PCDH9: variants seen among roughly 807,000 people sequenced by gnomAD.
The protein encoded by PCDH9 is protocadherin 9.
A neutral mutation model predicts 70.6 loss-of-function variants in PCDH9; 24 were observed. The ratio of observed to expected loss-of-function variants is 0.34; its 90% confidence interval spans 0.25 to 0.48. The LOEUF (loss-of-function observed/expected upper bound fraction) is 0.48, where lower values mean the gene tolerates loss of function less well. Ranked by LOEUF, PCDH9 falls within the 20% of genes least tolerant of loss-of-function variation. The pLI, the probability that PCDH9 is intolerant of heterozygous loss-of-function variation, is 0.99. For missense variants in PCDH9, 1,281 were observed against 1,503.6 expected, an observed-to-expected ratio of 0.85 and a Z score of 2.45; for synonymous variants, 562 against 558.5, an observed-to-expected ratio of 1.01 and a Z score of -0.09.
intron 4 of PCDH9, among the ~76,000 whole-genome samples, chr13:66,469,691 C>T (rs1422698944): frequency 3.3e-5 from 5 of 151,888 alleles, no homozygotes; most frequent in African/African-American, 9.7e-5. Context: ...GATTACAGTG[C>T]GTGAAAATGT....
chr13:66,407,737 T>C (rs748726349), intron 4 of PCDH9, among the ~76,000 whole-genome samples: 1 of 152,190 alleles, frequency 6.6e-6, no homozygotes, highest in Non-Finnish European at 1.5e-5. Flanking sequence ...CATAAAGAAC[T>C]GTAATCCATC....
chr13:67,003,136 C>T (rs766454387), intron 2 of PCDH9, among the ~76,000 whole-genome samples: 3 of 152,064 alleles, frequency 2.0e-5, no homozygotes, highest in Non-Finnish European at 4.4e-5. Context: ...ATTTAAGGAG[C>T]TTTCTCACAA....
chr13:66,659,738 A>G (rs1227049120), intron 3 of PCDH9, among the ~76,000 whole-genome samples: 2 of 151,134 alleles, frequency 1.3e-5, no homozygotes, highest in Admixed American at 6.6e-5. Flanking sequence ...TTAATTCTCT[A>G]TATCTTCTGT....
At chr13:66,736,825 A>G (rs2079156459) in intron 3 of PCDH9, among the ~76,000 whole-genome samples, 1 of 152,226 alleles carries the variant, frequency 6.6e-6, no homozygotes, top group African/African-American at 2.4e-5. Flanking sequence ...TCTGAATCCA[A>G]TCTGTCATGC....
intron 2 of PCDH9, among the ~76,000 whole-genome samples, chr13:66,934,390 A>C (rs2082869335): frequency 6.6e-6 from 1 of 151,662 alleles, no homozygotes; most frequent in Non-Finnish European, 1.5e-5. Context: ...AAACACAAAA[A>C]ATTAGCTGGG....
intron 3 of PCDH9, among the ~76,000 whole-genome samples, chr13:66,875,713 T>C (rs186520176): frequency 1.3e-5 from 2 of 152,360 alleles, no homozygotes; most frequent in Admixed American, 6.5e-5. Flanking sequence ...TTCTAAAAAG[T>C]AATCTTTCTC....
intron 3 of PCDH9, among the ~76,000 whole-genome samples, chr13:66,791,214 T>C (rs939660367): frequency 1.3e-5 from 2 of 152,106 alleles, no homozygotes; most frequent in African/African-American, 4.8e-5. Context: ...TATAAATAAG[T>C]ACAGCAAAAT....
At chr13:67,097,753 TA>T (rs571198792) in intron 2 of PCDH9, among the ~76,000 whole-genome samples, 1 of 152,078 alleles carries the variant, frequency 6.6e-6, no homozygotes, top group African/African-American at 2.4e-5. Context: ...GTTTTTGATA[TA>T]AAAAAACTAC....
intron 3 of PCDH9, among the ~76,000 whole-genome samples, chr13:66,760,909 G>T (rs905059200): frequency 6.6e-6 from 1 of 152,216 alleles, no homozygotes; most frequent in African/African-American, 2.4e-5. Context: ...CCCCAGGCTT[G>T]CTAGGATTGG....
intron 4 of PCDH9, among the ~76,000 whole-genome samples, chr13:66,397,854 T>C (rs1267584014): frequency 6.6e-6 from 1 of 151,906 alleles, no homozygotes; most frequent in African/African-American, 2.4e-5. Context: ...AAAAAATTAT[T>C]GGTGTGAAGT....
chr13:66,973,644 G>A (rs1318379626), intron 2 of PCDH9, among the ~76,000 whole-genome samples: 1 of 151,816 alleles, frequency 6.6e-6, no homozygotes, highest in Non-Finnish European at 1.5e-5. Flanking sequence ...TTCATTGTTA[G>A]CTAACCTATC....
intron 2 of PCDH9, among the ~76,000 whole-genome samples, chr13:66,979,302 A>T (rs2083689435): frequency 6.6e-6 from 1 of 152,194 alleles, no homozygotes; most frequent in Non-Finnish European, 1.5e-5. Flanking sequence ...TATAAATTCC[A>T]ATGAAACCTT....
chr13:66,700,923 AATATATATATATATATATATATATATAT>A (rs58852431), intron 3 of PCDH9, among the ~76,000 whole-genome samples: 18 of 58,452 alleles, frequency 3.1e-4, no homozygotes, highest in African/African-American at 6.4e-4. Flanking sequence ...TGTACATATA[AATATATATATATATATATATATATATAT>A]ATATATATAT....
At chr13:66,994,646 T>C (rs1353440301) in intron 2 of PCDH9, among the ~76,000 whole-genome samples, 1 of 152,220 alleles carries the variant, frequency 6.6e-6, no homozygotes, top group Non-Finnish European at 1.5e-5. Flanking sequence ...GTCCAGAGGC[T>C]AGATGGCTGG....
intron 2 of PCDH9, among the ~76,000 whole-genome samples, chr13:66,976,281 T>A (rs1278861745): frequency 6.6e-6 from 1 of 152,122 alleles, no homozygotes; most frequent in Admixed American, 6.6e-5. Context: ...ATTATTCATT[T>A]TAAGTAATTA....
At chr13:66,687,409 G>A (rs1257657659) in intron 3 of PCDH9, among the ~76,000 whole-genome samples, 7 of 151,248 alleles carry the variant, frequency 4.6e-5, no homozygotes, top group East Asian at 3.9e-4. Context: ...TTTTTCTTGC[G>A]GATCCTGCCA....
At chr13:66,659,539 T>TTGTGTGCGTGTGTGTGTGTG (rs1555318255) in intron 3 of PCDH9, among the ~76,000 whole-genome samples, 3 of 30,288 alleles carry the variant, frequency 9.9e-5, no homozygotes, top group Non-Finnish European at 2.1e-4. Flanking sequence ...TAAGTTATGT[T>TTGTGTGCGTGTGTGTGTGTG]TGTGTGTGTG....
At chr13:66,932,758 C>A (rs1279687629) in intron 2 of PCDH9, among the ~76,000 whole-genome samples, 1 of 148,470 alleles carries the variant, frequency 6.7e-6, no homozygotes, top group East Asian at 2.0e-4. Flanking sequence ...AATGAACTTG[C>A]AAAGCTCTTT....
At chr13:66,566,691 T>C (rs2076656756) in intron 4 of PCDH9, among the ~76,000 whole-genome samples, 2 of 152,112 alleles carry the variant, frequency 1.3e-5, no homozygotes, top group South Asian at 4.1e-4. Context: ...TGGCCTGTTA[T>C]TAGTTGTTCT....
Sources: gnomAD v4.1 joint callset for allele counts (sites outside exome capture counted in the v4.1 genomes callset) on GRCh38, gnomAD v4.1.1 for gene constraint, MANE v1.5 for transcripts, NCBI Gene and HGNC (gene_info 2026-07-23, HGNC 2026-07-21) for gene names.